The following FOCAD variants were observed in gnomAD, a reference collection of about 807,000 sequenced individuals.
FOCAD encodes the protein KIAA1797.
Under a neutral mutation model 225.6 loss-of-function variants are expected in FOCAD, and 198 were observed. The observed-to-expected ratio is 0.88, with a 90% CI of 0.78 to 0.99. The LOEUF (loss-of-function observed/expected upper bound fraction) is 0.99, where lower values mean the gene tolerates loss of function less well. Among genes scored for constraint, FOCAD ranks in the 50% least tolerant of loss-of-function variants. The pLI, the probability that FOCAD is intolerant of heterozygous loss-of-function variation, is 0.00. For missense variants in FOCAD, 2,713 were observed against 2,123.6 expected (o/e 1.28, Z -5.46); for synonymous variants, 897 against 755.0 (o/e 1.19, Z -3.08).
Position 20,740,302 on chromosome 9 carries a change from AG to A in FOCAD, c.356del (p.Gly119ValfsTer19), listed in dbSNP as rs758202613. 6.2e-7 allele frequency: 1 copy of A among 1,611,962 alleles called. No homozygotes were observed. Among genetic ancestry groups the A allele is most frequent in the South Asian group, 1.1e-5 (1 of 90,860 alleles). On this transcript the variant is annotated frameshift_variant, in exon 5 of 44. Coordinates refer to ENST00000338382, the MANE Select transcript of FOCAD (RefSeq NM_001375567.1). LOFTEE classifies it high-confidence loss of function. ...AAATGCAAGCTCTTAAGGAAGGACA[AG>A]GTGGGGAAAAGAATATTCAGAGTAT... ...LQMQALKEGQ[G>X]GEKNIQSIYT... is the part of the protein sequence containing the mutation.
At chr9:20,708,644 G>T (rs906901863) in intron 1 of FOCAD, among the ~76,000 whole-genome samples, 3 of 151,958 alleles carry the variant, frequency 2.0e-5, no homozygotes, top group East Asian at 3.9e-4. Context: ...GCACGGTGGT[G>T]CATGCCTGTA....
chr9:20,761,372 G>T (rs1456957396), intron 6 of FOCAD, among the ~76,000 whole-genome samples: 8 of 151,992 alleles, frequency 5.3e-5, no homozygotes, highest in African/African-American at 1.9e-4. Context: ...CTTACTGAAG[G>T]TTTCTTGGCT....
intron 18 of FOCAD, among the ~76,000 whole-genome samples, chr9:20,870,449 A>T (rs1240885006): frequency 6.6e-6 from 1 of 152,202 alleles, no homozygotes; most frequent in African/African-American, 2.4e-5. Context: ...ATTTTGTGGG[A>T]TACACTTTCC....
intron 5 of FOCAD, among the ~76,000 whole-genome samples, chr9:20,752,096 C>T (rs1828608566): frequency 6.9e-6 from 1 of 145,720 alleles, no homozygotes; most frequent in Non-Finnish European, 1.5e-5. Flanking sequence ...AATTTTCTCC[C>T]ATTTTGTAGG....
intron 2 of FOCAD, among the ~76,000 whole-genome samples, chr9:20,662,688 G>A (rs1821766668): frequency 6.6e-6 from 1 of 151,842 alleles, no homozygotes; most frequent in Non-Finnish European, 1.5e-5. Flanking sequence ...TTGAACACCT[G>A]GGCTCCCTGC....
At chr9:20,812,501 T>G (rs1255238637) in intron 11 of FOCAD, among the ~76,000 whole-genome samples, 2 of 152,076 alleles carry the variant, frequency 1.3e-5, no homozygotes, top group Non-Finnish European at 2.9e-5. Flanking sequence ...ACGTGTATGT[T>G]TTTTTCTGAA....
chr9:20,760,068 C>G (rs1217132563), intron 6 of FOCAD, among the ~76,000 whole-genome samples: 1 of 152,188 alleles, frequency 6.6e-6, no homozygotes, highest in African/African-American at 2.4e-5. Flanking sequence ...GTGGCTCTTG[C>G]CACCTGTTCC....
At chr9:20,783,174 A>G (rs1391609945) in intron 10 of FOCAD, among the ~76,000 whole-genome samples, 1 of 152,142 alleles carries the variant, frequency 6.6e-6, no homozygotes, top group Non-Finnish European at 1.5e-5. Context: ...ATACATAAGT[A>G]CTTGGTTTAC....
intron 39 of FOCAD, among the ~76,000 whole-genome samples, chr9:20,984,958 G>T (rs1383699307): frequency 6.6e-6 from 1 of 152,076 alleles, no homozygotes; most frequent in Admixed American, 6.5e-5. Context: ...CCACCATCAT[G>T]CCTGGCTAAT....
upstream of FOCAD, among the ~76,000 whole-genome samples, chr9:20,680,553 CA>C (rs990975736): frequency 8.6e-5 from 13 of 150,986 alleles, no homozygotes; most frequent in African/African-American, 3.2e-4. Flanking sequence ...GACTCTGTCT[CA>C]AAAAAAAATT....
chr9:20,679,542 A>G (rs1270653742), upstream of FOCAD, among the ~76,000 whole-genome samples: 1 of 151,900 alleles, frequency 6.6e-6, no homozygotes, highest in Admixed American at 6.6e-5. Flanking sequence ...CAGCTCTGTT[A>G]ATGACTTGGG....
At chr9:20,690,920 TG>T (rs1466512365) in intron 1 of FOCAD, among the ~76,000 whole-genome samples, 1 of 151,686 alleles carries the variant, frequency 6.6e-6, no homozygotes, top group African/African-American at 2.4e-5. Flanking sequence ...TTTTTTTTTT[TG>T]AGACAGCTAG....
chr9:20,843,842 G>A (rs7025868), intron 15 of FOCAD, among the ~76,000 whole-genome samples: 125,392 of 152,074 alleles, frequency 0.82, 51,855 homozygotes, highest in Admixed American at 0.88. Context: ...TTGAAGAATA[G>A]TGGCTTAGAG....
chr9:20,965,924 G>A (rs1001706155), intron 35 of FOCAD, among the ~76,000 whole-genome samples: 5 of 152,070 alleles, frequency 3.3e-5, no homozygotes, highest in Non-Finnish European at 7.4e-5. Flanking sequence ...TTTTATTTAT[G>A]CATCAGTTTA....
At chr9:20,814,714 T>C (rs1823474235) in intron 11 of FOCAD, among the ~76,000 whole-genome samples, 1 of 152,110 alleles carries the variant, frequency 6.6e-6, no homozygotes. Context: ...GCCATGGGAC[T>C]TACATCAATA....
In FOCAD at chr9:20,916,902, C is replaced by T. The variant is rs1833920178; in HGVS notation, c.2817C>T (p.Asp939=). 1 of 1,606,400 alleles carries T rather than the reference C, an allele frequency of 6.2e-7. No homozygotes were observed. Among genetic ancestry groups the T allele is most frequent in the Middle Eastern group, 1.7e-4 (1 of 6,042 alleles). ...KKSTAWLWVR[D]MLTDEITKAA... Reference sequence around the variant, plus strand: ...TCCATCTTTATTGCAGGGTTAGAGACATGCTGACTGATGAGATCACCAAGG... The same window carrying T: ...TCCATCTTTATTGCAGGGTTAGAGATATGCTGACTGATGAGATCACCAAGG... Residue 939 remains aspartate (D), a synonymous_variant, in exon 24 of 44, where the codon GAC becomes GAT. Transcript: ENST00000338382.
At chr9:20,990,475 C>T (rs1038778950) in intron 42 of FOCAD, 101 bp downstream of exon 42, 1 of 1,379,504 alleles carries the variant, frequency 7.2e-7, no homozygotes, top group Non-Finnish European at 9.9e-7. Context: ...TCTTGAATCA[C>T]ACCACAGACT....
rs1587619454 is a variant in FOCAD, at chr9:20,922,414, G to A, written c.2853-1246G>A. On this transcript the variant is annotated intron_variant, in intron 24 of 43. Transcript: ENST00000338382. The stretch of plus-strand genomic sequence containing the variant: ...AGCTTAACCACTCTAAAGTGGAAGG[G>A]AGAGGGGGAAGGAAGGATGGGCGAA... Among the ~76,000 whole-genome samples, 3 of 152,322 alleles carry A rather than the reference G, an allele frequency of 2.0e-5. 1 individual carries two copies. Among genetic ancestry groups the A allele is most frequent in the South Asian group, 2.1e-4 (1 of 4,828 alleles).
chr9:20,687,153 A>G (rs1011131036), intron 1 of FOCAD, among the ~76,000 whole-genome samples: 5 of 152,222 alleles, frequency 3.3e-5, no homozygotes, highest in African/African-American at 1.2e-4. Context: ...TAAATACTGT[A>G]TAGCTTTCCA....
Sources: gnomAD v4.1 joint callset for allele counts (sites outside exome capture counted in the v4.1 genomes callset) on GRCh38, gnomAD v4.1.1 for gene constraint, MANE v1.5 for transcripts, NCBI Gene and HGNC (gene_info 2026-07-23, HGNC 2026-07-21) for gene names.